SYNE1: variants seen among roughly 807,000 people sequenced by gnomAD.
SYNE1 encodes nesprin-1.
SYNE1 carries 616 observed loss-of-function variants against 1,111.0 expected under a neutral mutation model. The ratio of observed to expected loss-of-function variants is 0.55; its 90% CI spans 0.52 to 0.59. The LOEUF (loss-of-function observed/expected upper bound fraction) is 0.59, where lower values mean the gene tolerates loss of function less well. Among genes scored for constraint, SYNE1 ranks in the 20% least tolerant of loss-of-function variants. SYNE1 has a pLI of 0.00. For missense variants in SYNE1, 10,006 were observed against 10,417.0 expected (o/e 0.96, Z 1.72); for synonymous variants, 3,855 against 3,825.8 (o/e 1.01, Z -0.28).
chr6:152,309,876 G>T lies in SYNE1; in HGVS notation c.17161C>A (p.Arg5721=), dbSNP rs138941941. 3.1e-6 allele frequency: 5 copies of T among 1,613,896 alleles called. No individual in the cohort carries two copies. In the African/African-American group the frequency reaches 4.0e-5, roughly 13 times the overall value. Residue 5721 remains arginine (R), a synonymous_variant, in exon 90 of 146, where the codon CGG becomes AGG. Transcript: ENST00000367255. ...TGCTGGATGGCGGTGTGCTGCAGCC[G>T]GCTGGCCTCTTCCTGCAGCCGCAGA... The part of the protein sequence containing the change: ...AALRLQEEAS[R]LQHTAIQQCN...
intron 11 of SYNE1, among the ~76,000 whole-genome samples, chr6:152,495,789 G>A (rs2098996189): frequency 6.6e-6 from 1 of 152,202 alleles, no homozygotes; most frequent in African/African-American, 2.4e-5. Flanking sequence ...GCAGCAGCAG[G>A]GGCCACGTGC....
chr6:152,428,947 T>C (rs1045421261), intron 36 of SYNE1, among the ~76,000 whole-genome samples: 1 of 152,050 alleles, frequency 6.6e-6, no homozygotes, highest in Non-Finnish European at 1.5e-5. Context: ...CTTGTGAAGA[T>C]TATTAGTCAT....
intron 3 of SYNE1, among the ~76,000 whole-genome samples, chr6:152,543,760 C>T (rs2099287984): frequency 6.6e-6 from 1 of 152,150 alleles, no homozygotes; most frequent in Non-Finnish European, 1.5e-5. Context: ...CAACCCATTG[C>T]TTTTTCTATA....
At chr6:152,302,281 C>A in intron 91 of SYNE1, 1 of 626,268 alleles carries the variant, frequency 1.6e-6, no homozygotes, top group Non-Finnish European at 2.8e-6. Flanking sequence ...CCCGAGCCCG[C>A]GTCCCCGCGT....
chr6:152,443,107 C>T (rs1564059320), intron 30 of SYNE1, among the ~76,000 whole-genome samples: 1 of 152,038 alleles, frequency 6.6e-6, no homozygotes, highest in Non-Finnish European at 1.5e-5. Flanking sequence ...TAAATTTTCA[C>T]AAAGTAAATG....
At chr6:152,511,360 A>G (rs1228176403) in intron 6 of SYNE1, among the ~76,000 whole-genome samples, 1 of 152,224 alleles carries the variant, frequency 6.6e-6, no homozygotes, top group Admixed American at 6.5e-5. Flanking sequence ...AGTTGAAAAA[A>G]TATAACATGC....
intron 59 of SYNE1, among the ~76,000 whole-genome samples, chr6:152,372,157 C>T (rs1161916522): frequency 6.6e-6 from 1 of 152,160 alleles, no homozygotes; most frequent in Non-Finnish European, 1.5e-5. Flanking sequence ...TGCTTCAGAG[C>T]TCAGACCACA....
chr6:152,499,388 C>A (rs949827939), intron 10 of SYNE1, among the ~76,000 whole-genome samples: 3 of 151,774 alleles, frequency 2.0e-5, no homozygotes, highest in African/African-American at 7.3e-5. Flanking sequence ...ATGGTGATGT[C>A]GATTTTCAGT....
chr6:152,423,688 C>T (rs2098305754), intron 39 of SYNE1, among the ~76,000 whole-genome samples: 1 of 152,222 alleles, frequency 6.6e-6, no homozygotes, highest in Non-Finnish European at 1.5e-5. Flanking sequence ...GAAGGCAGAA[C>T]CCCAAACTCC....
chr6:152,145,339 T>C, intron 137 of SYNE1: 1 of 746,556 alleles, frequency 1.3e-6, no homozygotes, highest in Non-Finnish European at 2.4e-6. Context: ...TTTAACCAGC[T>C]GTTTTTTCTA....
chr6:152,294,394 A>G (rs572545620), intron 93 of SYNE1, among the ~76,000 whole-genome samples: 1 of 152,234 alleles, frequency 6.6e-6, no homozygotes, highest in Admixed American at 6.5e-5. Flanking sequence ...ATCTTATTCT[A>G]TGTTTGTTAA....
At chr6:152,613,262 C>T (rs1415989423) in intron 3 of SYNE1, among the ~76,000 whole-genome samples, 3 of 152,136 alleles carry the variant, frequency 2.0e-5, no homozygotes, top group Admixed American at 1.3e-4. Flanking sequence ...TCATCTCAGC[C>T]CCAAATCTCC....
At position 152,132,140 on chromosome 6, in the gene SYNE1, G is replaced by A; in HGVS notation, c.26076C>T (p.Thr8692=). 4 of 1,614,084 alleles carry A rather than the reference G, an allele frequency of 2.5e-6. No homozygotes were observed. Among genetic ancestry groups the A allele is most frequent in the Non-Finnish European group, 3.4e-6 (4 of 1,179,988 alleles). ...AAGTTACCGTTTTCTGTCTGTTTGGGGTGCTCCTTCCTGATGTGGGACTCA... is the reference window on the plus strand; with the variant it reads ...AAGTTACCGTTTTCTGTCTGTTTGGAGTGCTCCTTCCTGATGTGGGACTCA... ...GSVSPTSGRS[T]PNRQKTPRGK... The change falls in exon 144 of 146, where the codon ACC becomes ACT. Residue 8692 remains threonine, a synonymous_variant. Coordinates refer to ENST00000367255, the MANE Select transcript of SYNE1 (RefSeq NM_182961.4).
intron 38 of SYNE1, among the ~76,000 whole-genome samples, chr6:152,426,662 G>A (rs1040941984): frequency 1.6e-4 from 25 of 152,252 alleles, no homozygotes; most frequent in Admixed American, 5.2e-4. Context: ...ACATGTATTT[G>A]CAAGAAGACA....
rs2098451270 is a variant in SYNE1 at position 152,433,944 on chromosome 6, T to C, written c.4312A>G (p.Ile1438Val). 2 of 1,611,836 alleles carry C rather than the reference T, an allele frequency of 1.2e-6. No individual in the cohort carries two copies. Among genetic ancestry groups the C allele is most frequent in the Non-Finnish European group, 1.7e-6 (2 of 1,178,764 alleles). ...KKLEDTLEED[I>V]KTMEMVKTKW... The stretch of plus-strand genomic sequence containing the variant: ...GTTTTCACCATTTCCATGGTTTTAA[T>C]ACTAAAATTAACCAAATTAAGTAAA... The change falls in exon 34 of 146, where the codon ATT (isoleucine) becomes GTT (valine). Residue 1438 changes from isoleucine to valine, a missense_variant and splice_region_variant. Transcript: ENST00000367255.
chr6:152,441,116 G>C lies in SYNE1; in HGVS notation c.4149+14C>G. Reference sequence around the variant, plus strand: ...TTTTTTCTGAATATTGGGTACCAAGGAGCCATAATATACCTTTGTTTGTTC... The same window carrying C: ...TTTTTTCTGAATATTGGGTACCAAGCAGCCATAATATACCTTTGTTTGTTC... On this transcript the variant is annotated intron_variant, in intron 32 of 145. Coordinates refer to ENST00000367255, the MANE Select transcript of SYNE1 (RefSeq NM_182961.4). 1.2e-6 allele frequency: 2 copies of C among 1,612,966 alleles called. No individual in the cohort carries two copies. Among genetic ancestry groups the C allele is most frequent in the Non-Finnish European group, 1.7e-6 (2 of 1,179,834 alleles).
rs141821444 is a variant in SYNE1 at position 152,373,096 on chromosome 6, C to T, written c.9448G>A (p.Ala3150Thr). ...TGAAAATTTTTCCAATCTTCTTTTG[C>T]AGCTGTAACTTTGGCCTGGATCCCT... ...AKGIQAKVTA[A>T]KEDWKNFHSN... The change falls in exon 59 of 146, where the codon GCA becomes ACA. Residue 3150 changes from alanine (A) to threonine (T), a missense_variant. Ala to Thr is a moderately conservative substitution (Grantham distance 58). Coordinates refer to ENST00000367255, the MANE Select transcript of SYNE1 (RefSeq NM_182961.4). The T allele has an allele frequency of 3.4e-5, 55 of 1,614,000 alleles. No homozygotes were observed. The highest frequency in any genetic ancestry group is 4.5e-5 in the Non-Finnish European group (53 of 1,180,028).
intron 9 of SYNE1, among the ~76,000 whole-genome samples, chr6:152,503,734 T>G (rs2099042767): frequency 6.6e-6 from 1 of 152,170 alleles, no homozygotes; most frequent in African/African-American, 2.4e-5. Context: ...GCGAAGATAA[T>G]GTATTCTGAA....
chr6:152,326,765 G>A, intron 78 of SYNE1, 132 bp from the exon 79 acceptor site: 1 of 831,634 alleles, frequency 1.2e-6, no homozygotes, highest in South Asian at 1.6e-5. Context: ...TGATAAGTTA[G>A]TGGAATATTT....
Sources: allele counts gnomAD v4.1 joint callset (sites outside exome capture counted in the v4.1 genomes callset), GRCh38; gene constraint gnomAD v4.1.1; transcripts MANE v1.5; gene names NCBI Gene and HGNC (gene_info 2026-07-23, HGNC 2026-07-21).